The following FCHSD2 variants were observed in gnomAD, a reference collection of about 807,000 sequenced individuals.
FCHSD2 encodes F-BAR and double SH3 domains protein 2.
A neutral mutation model predicts 108.1 loss-of-function variants in FCHSD2; 38 were observed. The observed-to-expected ratio is 0.35, with a 90% CI of 0.27 to 0.46. The LOEUF is 0.46. Among genes scored for constraint, FCHSD2 ranks in the 20% least tolerant of loss-of-function variants. FCHSD2 has a pLI of 1.00. For synonymous variants in FCHSD2, 279 were observed against 314.7 expected, an observed-to-expected ratio of 0.89 and a Z score of 1.20; for missense variants, 751 against 897.8, an observed-to-expected ratio of 0.84 and a Z score of 2.09.
At chr11:73,075,551 T>C (rs1026871503) in intron 3 of FCHSD2, among the ~76,000 whole-genome samples, 9 of 152,168 alleles carry the variant, frequency 5.9e-5, no homozygotes, top group African/African-American at 1.7e-4. Context: ...AGTTTGATCA[T>C]TTGTTAAAAA....
At position 72,837,584 on chromosome 11, in the gene FCHSD2, G is replaced by C. The variant is rs1022133996; in HGVS notation, c.*1207C>G. On this transcript the variant is annotated 3_prime_UTR_variant, in exon 20 of 20. Coordinates refer to ENST00000409418, the MANE Select transcript of FCHSD2 (RefSeq NM_014824.3). The stretch of plus-strand genomic sequence containing the variant: ...AGCACCTGACGTGGGGGCACCTGCT[G>C]CTGCAGGCTTGCTGGCCTGCAGAGA... 6.6e-6 allele frequency: 1 copy of C among 152,216 alleles called. No homozygotes were observed. Among genetic ancestry groups the C allele is most frequent in the Non-Finnish European group, 1.5e-5 (1 of 68,042 alleles). The allele number at this position is 152,216 out of a possible 1,614,324, so 9.4% of individuals were successfully genotyped here. A position where few individuals can be genotyped will look rare whatever the true frequency, so the allele number is the denominator to read the frequency against.
At chr11:73,024,499 G>A (rs1858181742) in intron 3 of FCHSD2, among the ~76,000 whole-genome samples, 1 of 152,134 alleles carries the variant, frequency 6.6e-6, no homozygotes, top group African/African-American at 2.4e-5. Flanking sequence ...AGATGGCAGA[G>A]GGTAAAAGCT....
At chr11:73,131,240 G>A (rs1011119340) in intron 2 of FCHSD2, among the ~76,000 whole-genome samples, 4 of 151,820 alleles carry the variant, frequency 2.6e-5, no homozygotes, top group African/African-American at 4.8e-5. Flanking sequence ...AAATTAGGCC[G>A]GGCGCAGTGG....
intron 8 of FCHSD2, among the ~76,000 whole-genome samples, chr11:72,958,792 G>T (rs1433705308): frequency 6.6e-6 from 1 of 151,846 alleles, no homozygotes. Flanking sequence ...ATCTCCCTAA[G>T]AAATAATCTT....
At chr11:72,975,336 G>C (rs1857084750) in intron 8 of FCHSD2, among the ~76,000 whole-genome samples, 1 of 152,130 alleles carries the variant, frequency 6.6e-6, no homozygotes, top group Admixed American at 6.5e-5. Flanking sequence ...AGAGTAGATT[G>C]GTGGTTACCA....
intron 13 of FCHSD2, among the ~76,000 whole-genome samples, chr11:72,852,486 C>T (rs1004409942): frequency 2.0e-5 from 3 of 151,962 alleles, no homozygotes; most frequent in African/African-American, 7.3e-5. Flanking sequence ...GCCAAAATGG[C>T]GAAACCTTGT....
intron 3 of FCHSD2, among the ~76,000 whole-genome samples, chr11:73,022,800 G>A (rs1272875591): frequency 6.6e-6 from 1 of 152,090 alleles, no homozygotes; most frequent in African/African-American, 2.4e-5. Context: ...ATACCTTGAA[G>A]GCTGCAGGAA....
chr11:72,926,197 G>T (rs1856072566), intron 8 of FCHSD2, among the ~76,000 whole-genome samples: 1 of 152,106 alleles, frequency 6.6e-6, no homozygotes, highest in Non-Finnish European at 1.5e-5. Flanking sequence ...CTGAAGACTG[G>T]GGGCTGGACT....
chr11:72,998,945 C>T (rs1031065414), intron 5 of FCHSD2, among the ~76,000 whole-genome samples: 5 of 152,108 alleles, frequency 3.3e-5, no homozygotes, highest in Non-Finnish European at 5.9e-5. Context: ...GGGATTGCTA[C>T]CTTTAAGATT....
intron 3 of FCHSD2, among the ~76,000 whole-genome samples, chr11:73,055,509 ACC>A (rs1859005098): frequency 1.3e-5 from 2 of 152,210 alleles, no homozygotes; most frequent in Non-Finnish European, 2.9e-5. Flanking sequence ...AAAGTTTTAA[ACC>A]TTGAGATACA....
At chr11:73,069,980 A>C (rs968690137) in intron 3 of FCHSD2, among the ~76,000 whole-genome samples, 2 of 152,238 alleles carry the variant, frequency 1.3e-5, no homozygotes, top group African/African-American at 4.8e-5. Context: ...CCAGGTAGAA[A>C]GTTAGAATGC....
At chr11:72,983,334 G>A (rs1046672329) in intron 8 of FCHSD2, among the ~76,000 whole-genome samples, 1 of 151,830 alleles carries the variant, frequency 6.6e-6, no homozygotes, top group African/African-American at 2.4e-5. Context: ...TGCCAGGCAT[G>A]GTAGCATGCA....
intron 14 of FCHSD2, among the ~76,000 whole-genome samples, chr11:72,846,957 T>C (rs1046329044): frequency 6.6e-6 from 1 of 152,210 alleles, no homozygotes; most frequent in African/African-American, 2.4e-5. Flanking sequence ...TATGAATGTC[T>C]AGTTTAATTA....
intron 2 of FCHSD2, among the ~76,000 whole-genome samples, chr11:73,127,396 G>A (rs1055817828): frequency 2.0e-5 from 3 of 152,126 alleles, no homozygotes; most frequent in South Asian, 2.1e-4. Flanking sequence ...AATTACTCCC[G>A]ATCAACACTG....
chr11:72,987,676 C>T (rs559381126), intron 6 of FCHSD2, among the ~76,000 whole-genome samples: 1 of 152,276 alleles, frequency 6.6e-6, no homozygotes, highest in Admixed American at 6.5e-5. Flanking sequence ...ATCAAATCCC[C>T]ACTTCTCAGA....
In FCHSD2 at chr11:72,838,754, C is replaced by T. The variant is rs372258795; in HGVS notation, c.*37G>A. The T allele has an allele frequency of 6.5e-7, 1 of 1,539,144 alleles. No individual in the cohort carries two copies. Among genetic ancestry groups the T allele is most frequent in the Non-Finnish European group, 8.9e-7 (1 of 1,129,726 alleles). The stretch of plus-strand genomic sequence containing the variant: ...AAGACTGGCCAAACTCCAAGCCTGG[C>T]CTTGATTGTAGCAGTAATGGATGGG... On this transcript the variant is annotated 3_prime_UTR_variant, in exon 20 of 20. Transcript: ENST00000409418.
In FCHSD2 at chr11:72,837,480, C is replaced by A. The variant is rs868319285; in HGVS notation, c.*1311G>T. ...CTTAACCAAGGAAAAAAAAAAAAAACAAACCACAACCGGCGAACATCCCTT... is the reference window on the plus strand; with the variant it reads ...CTTAACCAAGGAAAAAAAAAAAAAAAAAACCACAACCGGCGAACATCCCTT... On this transcript the variant is annotated 3_prime_UTR_variant, in exon 20 of 20. Coordinates refer to ENST00000409418, the MANE Select transcript of FCHSD2 (RefSeq NM_014824.3). 2,625 of 145,054 alleles carry A rather than the reference C, an allele frequency of 0.018. 58 individuals are homozygous for A. The highest frequency in any genetic ancestry group is 0.021 in the Non-Finnish European group (1,358 of 65,518). The allele number at this position is 145,054 out of a possible 1,614,324, so 9.0% of individuals were successfully genotyped here. A position where few individuals can be genotyped will look rare whatever the true frequency, so the allele number is the denominator to read the frequency against.
At chr11:73,065,434 T>G (rs1180588465) in intron 3 of FCHSD2, among the ~76,000 whole-genome samples, 3 of 152,216 alleles carry the variant, frequency 2.0e-5, no homozygotes, top group Non-Finnish European at 2.9e-5. Flanking sequence ...ACATTCCCTT[T>G]GAAAACCGGC....
At chr11:73,030,253 GGAA>G (rs1254270737) in intron 3 of FCHSD2, among the ~76,000 whole-genome samples, 3 of 152,082 alleles carry the variant, frequency 2.0e-5, no homozygotes, top group Non-Finnish European at 2.9e-5. Flanking sequence ...GACACTTATC[GGAA>G]GATGTGCACT....
Sources: allele counts gnomAD v4.1 joint callset (sites outside exome capture counted in the v4.1 genomes callset), GRCh38; gene constraint gnomAD v4.1.1; transcripts MANE v1.5; gene names NCBI Gene and HGNC (gene_info 2026-07-23, HGNC 2026-07-21).